The following UBE2E2 variants were observed in gnomAD, a reference collection of about 807,000 sequenced individuals.
UBE2E2 encodes the protein ubiquitin conjugating enzyme E2 E2.
Under a neutral mutation model 24.7 loss-of-function variants are expected in UBE2E2, and 6 were observed. That is an observed-to-expected ratio of 0.24 (90% CI 0.13 to 0.48). The LOEUF is 0.48. UBE2E2 is among the 20% of genes least tolerant of loss of function. The probability of loss-of-function intolerance (pLI) is 0.99; values close to 1 mark genes in which losing one functional copy is unlikely to be tolerated. For synonymous variants in UBE2E2, 104 were observed against 83.6 expected, an observed-to-expected ratio of 1.24 and a Z score of -1.33; for missense variants, 169 against 245.0, an observed-to-expected ratio of 0.69 and a Z score of 2.07.
At chr3:23,494,747 G>A (rs1262704846) in intron 3 of UBE2E2, among the ~76,000 whole-genome samples, 1 of 148,514 alleles carries the variant, frequency 6.7e-6, no homozygotes, top group Non-Finnish European at 1.5e-5. Flanking sequence ...TTTTTTTTTT[G>A]AGAGTCTCAC....
chr3:23,236,803 A>G lies in UBE2E2; in HGVS notation c.227+19491A>G, dbSNP rs1026066113. Among the ~76,000 whole-genome samples, 12 of 152,222 alleles carry G rather than the reference A, an allele frequency of 7.9e-5. No individual in the cohort carries two copies. In the South Asian group the frequency reaches 1.9e-3, roughly 24 times the overall value. Reference sequence around the variant, plus strand: ...GGATGTGTGGACCGCCTGTCTCTCTATCTCTTCATGACTTCTGCCTGTGTC... The same window carrying G: ...GGATGTGTGGACCGCCTGTCTCTCTGTCTCTTCATGACTTCTGCCTGTGTC... On this transcript the variant is annotated intron_variant, in intron 3 of 5. Transcript: ENST00000396703.
intron 3 of UBE2E2, among the ~76,000 whole-genome samples, chr3:23,493,125 C>T (rs915648515): frequency 1.3e-5 from 2 of 152,058 alleles, no homozygotes; most frequent in African/African-American, 4.8e-5. Context: ...CCAACATTGC[C>T]GAGGCATCCT....
At chr3:23,208,357 A>G (rs780583232) in intron 1 of UBE2E2, among the ~76,000 whole-genome samples, 3 of 152,074 alleles carry the variant, frequency 2.0e-5, no homozygotes, top group African/African-American at 4.8e-5. Flanking sequence ...ATTCTTTTTT[A>G]TGGCTAACAG....
chr3:23,411,096 C>T (rs1259794121), intron 3 of UBE2E2, among the ~76,000 whole-genome samples: 2 of 152,106 alleles, frequency 1.3e-5, no homozygotes, highest in African/African-American at 4.8e-5. Flanking sequence ...TTTCACATCA[C>T]AGAACAAAAA....
chr3:23,396,325 ATATACG>A (rs1697075162), intron 3 of UBE2E2, among the ~76,000 whole-genome samples: 1 of 110,920 alleles, frequency 9.0e-6, no homozygotes, highest in South Asian at 3.3e-4. Flanking sequence ...ATATGTATAT[ATATACG>A]TATATATATA....
chr3:23,429,114 TAC>T (rs201043184), intron 3 of UBE2E2, among the ~76,000 whole-genome samples: 4,525 of 152,176 alleles, frequency 0.03, 109 homozygotes, highest in East Asian at 0.13. Context: ...AAGTAGGCCT[TAC>T]ATATATATTA....
chr3:23,352,354 C>T lies in UBE2E2; in HGVS notation c.227+135042C>T, dbSNP rs13319402. 1.1e-3 allele frequency among the ~76,000 whole-genome samples: 172 copies of T among 151,856 alleles called. 2 individuals carry two copies. The highest frequency in any genetic ancestry group is 4.0e-3 in the African/African-American group (166 of 41,392). On this transcript the variant is annotated intron_variant, in intron 3 of 5. Coordinates refer to ENST00000396703, the MANE Select transcript of UBE2E2 (RefSeq NM_152653.4). ...AAAACAAGAGCAAACACATTCAAAACCTAGCAGAAGGCAAGAAATAACTAA... is the reference window on the plus strand; with the variant it reads ...AAAACAAGAGCAAACACATTCAAAATCTAGCAGAAGGCAAGAAATAACTAA...
chr3:23,546,841 A>G (rs756244851), intron 5 of UBE2E2, among the ~76,000 whole-genome samples: 21 of 152,196 alleles, frequency 1.4e-4, no homozygotes, highest in Non-Finnish European at 2.8e-4. Flanking sequence ...GATAAAGATT[A>G]TAGTGGTGAA....
rs553000994 is a variant in UBE2E2, at chr3:23,213,365, A to G, written c.177-3897A>G. The stretch of plus-strand genomic sequence containing the variant: ...GTATAATTTTGGTACCATATTCTTC[A>G]TTTAAGTCTGAGTGAATCATGATTG... On this transcript the variant is annotated intron_variant, in intron 2 of 5. Transcript: ENST00000396703. 3.3e-5 allele frequency among the ~76,000 whole-genome samples: 5 copies of G among 152,012 alleles called. No homozygotes were observed. The East Asian group carries it at 9.7e-4, about 29-fold the overall frequency.
intron 3 of UBE2E2, among the ~76,000 whole-genome samples, chr3:23,353,325 C>T (rs1377606349): frequency 2.6e-5 from 4 of 151,898 alleles, no homozygotes; most frequent in Non-Finnish European, 5.9e-5. Context: ...AAAACTGGCA[C>T]AAGACAGGGA....
intron 3 of UBE2E2, among the ~76,000 whole-genome samples, chr3:23,290,254 G>C (rs1698727755): frequency 6.6e-6 from 1 of 152,184 alleles, no homozygotes; most frequent in Admixed American, 6.5e-5. Context: ...CAAGTGAGGG[G>C]GCACTTTATT....
At chr3:23,449,516 G>A (rs1339216989) in intron 3 of UBE2E2, among the ~76,000 whole-genome samples, 1 of 152,168 alleles carries the variant, frequency 6.6e-6, no homozygotes, top group Non-Finnish European at 1.5e-5. Flanking sequence ...GATTACATTT[G>A]CTCTTTTCAC....
chr3:23,350,146 C>T (rs1032587455), intron 3 of UBE2E2, among the ~76,000 whole-genome samples: 22 of 152,214 alleles, frequency 1.4e-4, no homozygotes, highest in African/African-American at 4.8e-4. Flanking sequence ...GGACCTCTAG[C>T]AAACTCCAAC....
chr3:23,567,353 G>A (rs1696101032), intron 5 of UBE2E2, among the ~76,000 whole-genome samples: 1 of 152,200 alleles, frequency 6.6e-6, no homozygotes, highest in Non-Finnish European at 1.5e-5. Flanking sequence ...AGAACATGTT[G>A]CCTAAGGGGT....
Position 23,589,618 on chromosome 3 carries a change from C to A in UBE2E2, c.509-116C>A. On this transcript the variant is annotated intron_variant, in intron 5 of 5. Coordinates refer to ENST00000396703, the MANE Select transcript of UBE2E2 (RefSeq NM_152653.4). The surrounding 1 kb of genome is among the most constrained non-coding windows in gnomAD (Gnocchi z 4.1). ...CTGGCTCAGCCGCAGCAATGGTGGT[C>A]CAGGTTAGAACAGCAGCTTCTCATC... The A allele has an allele frequency of 1.0e-6, 1 of 1,000,846 alleles. No homozygotes were observed. Among genetic ancestry groups the A allele is most frequent in the Non-Finnish European group, 1.5e-6 (1 of 663,824 alleles). The allele number at this position is 1,000,846 out of a possible 1,614,324, so 62.0% of individuals were successfully genotyped here.
At chr3:23,552,392 T>G (rs1695666290) in intron 5 of UBE2E2, among the ~76,000 whole-genome samples, 1 of 152,184 alleles carries the variant, frequency 6.6e-6, no homozygotes, top group Admixed American at 6.5e-5. Context: ...ATAAAAATAT[T>G]CTGCATCATG....
At chr3:23,326,342 A>T (rs1236688218) in intron 3 of UBE2E2, among the ~76,000 whole-genome samples, 1 of 152,214 alleles carries the variant, frequency 6.6e-6, no homozygotes, top group African/African-American at 2.4e-5. Flanking sequence ...AAGTGCTGGG[A>T]TTATAGGCTT....
At chr3:23,423,104 T>C (rs745352446) in intron 3 of UBE2E2, among the ~76,000 whole-genome samples, 4 of 152,244 alleles carry the variant, frequency 2.6e-5, no homozygotes, top group Non-Finnish European at 5.9e-5. Flanking sequence ...GTTCATTGGT[T>C]TGCAGTTCTT....
chr3:23,206,856 A>G (rs1189087649), intron 1 of UBE2E2, among the ~76,000 whole-genome samples: 3 of 152,162 alleles, frequency 2.0e-5, no homozygotes, highest in African/African-American at 7.2e-5. Context: ...ATTTTGCTTT[A>G]TTTGAGGTAT....
Sources: gnomAD v4.1 joint callset for allele counts (sites outside exome capture counted in the v4.1 genomes callset) on GRCh38, gnomAD v4.1.1 for gene constraint, Gnocchi (gnomAD v3.1) non-coding constraint, MANE v1.5 for transcripts, NCBI Gene and HGNC (gene_info 2026-07-23, HGNC 2026-07-21) for gene names.